The following SPATA7 variants were observed in gnomAD, a reference collection of about 807,000 sequenced individuals.
SPATA7 encodes spermatogenesis-associated protein 7.
SPATA7 carries 43 observed loss-of-function variants against 51.8 expected under a neutral mutation model. That is an observed-to-expected ratio of 0.83 (90% confidence interval 0.65 to 1.07). SPATA7 has a LOEUF of 1.07. Ranked by LOEUF, SPATA7 falls within the 50% of genes least tolerant of loss-of-function variation. SPATA7 has a pLI of 0.00. For synonymous variants in SPATA7, 230 were observed against 252.8 expected, an observed-to-expected ratio of 0.91 and a Z score of 0.86; for missense variants, 683 against 701.3, an observed-to-expected ratio of 0.97 and a Z score of 0.30.
intron 4 of SPATA7, 87 bp downstream of exon 4, chr14:88,396,290 T>A (rs2075877512): frequency 1.1e-6 from 1 of 927,564 alleles, no homozygotes. Flanking sequence ...TAACCATTTT[T>A]AAGTGTCCAG....
At chr14:88,442,964 T>TAA (rs1160637293), downstream of SPATA7, among the ~76,000 whole-genome samples, 1 of 145,198 alleles carries the variant, frequency 6.9e-6, no homozygotes, top group East Asian at 2.1e-4. Context: ...TTTTTTGAGA[T>TAA]AGAGTCTCGC....
chr14:88,426,912 T>A (rs2076809904), intron 6 of SPATA7, among the ~76,000 whole-genome samples: 1 of 152,256 alleles, frequency 6.6e-6, no homozygotes, highest in South Asian at 2.1e-4. Flanking sequence ...GTCAAGCACC[T>A]TATGCGTATG....
chr14:88,411,658 G>C (rs2076344819), intron 4 of SPATA7, among the ~76,000 whole-genome samples: 1 of 152,064 alleles, frequency 6.6e-6, no homozygotes, highest in South Asian at 2.1e-4. Flanking sequence ...TCCTGGGTGA[G>C]GCAACACCAC....
intron 4 of SPATA7, among the ~76,000 whole-genome samples, chr14:88,412,224 T>A (rs1489362203): frequency 7.4e-6 from 1 of 135,978 alleles, no homozygotes; most frequent in Admixed American, 6.9e-5. Flanking sequence ...TCTTCTTGCT[T>A]TTTTTTTTTT....
chr14:88,456,293 C>T (rs1440070189), downstream of SPATA7, among the ~76,000 whole-genome samples: 194 of 152,210 alleles, frequency 1.3e-3, no homozygotes, highest in African/African-American at 4.3e-3. Context: ...CCTGAGGAAT[C>T]GCCACACTGA....
At chr14:88,462,624 A>G (rs1028479254) in intron 4 of SPATA7, among the ~76,000 whole-genome samples, 9 of 152,238 alleles carry the variant, frequency 5.9e-5, no homozygotes, top group African/African-American at 2.2e-4. Flanking sequence ...TAGGTCTATT[A>G]ACACTGAAAT....
At chr14:88,424,270 G>T (rs1334369776) in intron 5 of SPATA7, among the ~76,000 whole-genome samples, 1 of 152,188 alleles carries the variant, frequency 6.6e-6, no homozygotes, top group Non-Finnish European at 1.5e-5. Context: ...GAAACAAGAT[G>T]CAGATTGGTA....
intron 4 of SPATA7, among the ~76,000 whole-genome samples, chr14:88,408,247 T>C (rs916871857): frequency 1.3e-5 from 2 of 152,144 alleles, no homozygotes; most frequent in Non-Finnish European, 2.9e-5. Flanking sequence ...CATGAGCATG[T>C]AATGGTTTTC....
intron 3 of SPATA7, among the ~76,000 whole-genome samples, chr14:88,446,281 G>A (rs1324285122): frequency 1.3e-5 from 2 of 152,016 alleles, no homozygotes; most frequent in African/African-American, 2.4e-5. Flanking sequence ...AGAGGTGTTT[G>A]TAGTATTCTC....
At chr14:88,428,205 T>C (rs1041002135) in intron 7 of SPATA7, 1 of 152,132 alleles carries the variant, frequency 6.6e-6, no homozygotes, top group African/African-American at 2.4e-5. Context: ...TTTGAATTCT[T>C]AGCATCATTT....
intron 5 of SPATA7, among the ~76,000 whole-genome samples, chr14:88,419,089 C>T (rs983703957): frequency 9.2e-5 from 14 of 152,034 alleles, no homozygotes; most frequent in Non-Finnish European, 1.8e-4. Context: ...ATATTCAAAT[C>T]TTTTATATCA....
chr14:88,436,783 CTG>C (rs966903294), intron 10 of SPATA7, among the ~76,000 whole-genome samples: 20 of 152,158 alleles, frequency 1.3e-4, no homozygotes, highest in African/African-American at 4.6e-4. Flanking sequence ...TTCCATTGGT[CTG>C]TGTCTGTTTT....
chr14:88,416,756 A>G lies in SPATA7; in HGVS notation c.284A>G (p.Gln95Arg), dbSNP rs61747004. 10,479 of 1,613,416 alleles carry G rather than the reference A, an allele frequency of 6.5e-3. 584 individuals are homozygous for G. The African/African-American group carries it at 0.12, about 19-fold the overall frequency. Reference sequence around the variant, plus strand: ...GAGAAACTCAAAAAGGAATTAGCACAATGTGAAAAAGAGTTCAAATTAACT... The same window carrying G: ...GAGAAACTCAAAAAGGAATTAGCACGATGTGAAAAAGAGTTCAAATTAACT... Reference protein sequence around the residue: ...RREKLKKELAQCEKEFKLTKT... With the variant: ...RREKLKKELARCEKEFKLTKT... The change falls in exon 5 of 12, where the codon CAA (glutamine) becomes CGA (arginine). Residue 95 changes from glutamine to arginine, a missense_variant. Physicochemically the swap from Gln to Arg is conservative, Grantham distance 43. Transcript: ENST00000393545.
In SPATA7 at chr14:88,469,305, G is replaced by C. The variant is rs1056900809; in HGVS notation, c.255-542G>C. ...TGACGGAGATACTGAGTCAGCTGTGGCATTCTACTCACTACCAAATCATAA... is the reference window on the plus strand; with the variant it reads ...TGACGGAGATACTGAGTCAGCTGTGCCATTCTACTCACTACCAAATCATAA... On this transcript the variant is annotated intron_variant, in intron 4 of 4. Transcript: ENST00000556406. This position sits in a 1 kb window ranked among gnomAD's most constrained non-coding sequence, Gnocchi z 4.3. Among the ~76,000 whole-genome samples the C allele has an allele frequency of 3.9e-5, 6 of 152,108 alleles. No homozygotes were observed. Among genetic ancestry groups the C allele is most frequent in the Admixed American group, 2.0e-4 (3 of 15,266 alleles).
At chr14:88,427,184 T>C (rs1388939242) in intron 6 of SPATA7, among the ~76,000 whole-genome samples, 1 of 152,208 alleles carries the variant, frequency 6.6e-6, no homozygotes, top group Non-Finnish European at 1.5e-5. Flanking sequence ...TAAATTGGGA[T>C]AATTTCTAGA....
downstream of SPATA7, among the ~76,000 whole-genome samples, chr14:88,440,164 G>A (rs2077168618): frequency 6.6e-6 from 1 of 151,988 alleles, no homozygotes. Flanking sequence ...TACTGGCCTG[G>A]CCCAAATTTT....
chr14:88,457,648 A>G (rs1595318782), downstream of SPATA7, among the ~76,000 whole-genome samples: 2 of 152,216 alleles, frequency 1.3e-5, no homozygotes. Context: ...GGGTTTTTTA[A>G]ATATACAATC....
chr14:88,385,800 GGCT>G lies in SPATA7; in HGVS notation c.-16_-14del. On this transcript the variant is annotated 5_prime_UTR_variant, in exon 1 of 12. Coordinates refer to ENST00000393545, the MANE Select transcript of SPATA7 (RefSeq NM_018418.5). ...AGGGGATACAGCGTGTCCCTGCGGC[GGCT>G]GCAAGAGGACTAAGCATGGATGGCA... The G allele has an allele frequency of 6.2e-7, 1 of 1,604,068 alleles. No homozygotes were observed. Among genetic ancestry groups the G allele is most frequent in the Admixed American group, 1.7e-5 (1 of 58,808 alleles).
intron 3 of SPATA7, among the ~76,000 whole-genome samples, chr14:88,445,227 A>T (rs2077203567): frequency 1.3e-5 from 2 of 149,324 alleles, no homozygotes; most frequent in South Asian, 4.3e-4. Context: ...ATTCCTAGGT[A>T]TTTTATTCTC....
Sources: allele counts gnomAD v4.1 joint callset (sites outside exome capture counted in the v4.1 genomes callset), GRCh38; gene constraint gnomAD v4.1.1; non-coding constraint Gnocchi (gnomAD v3.1); transcripts MANE v1.5; gene names NCBI Gene and HGNC (gene_info 2026-07-23, HGNC 2026-07-21).